Variants in FIG4 observed in about 807,000 individuals in gnomAD.
FIG4 encodes the protein FIG4 phosphoinositide 5-phosphatase.
FIG4 carries 112 observed loss-of-function variants against 118.6 expected under a neutral mutation model. That is an observed-to-expected ratio of 0.94 (90% confidence interval 0.81 to 1.11). FIG4 has a LOEUF of 1.11. FIG4 is among the 50% of genes least tolerant of loss of function. FIG4 has a pLI of 0.00. For synonymous variants in FIG4, 369 were observed against 381.2 expected, an observed-to-expected ratio of 0.97 and a Z score of 0.37; for missense variants, 969 against 1,111.7, an observed-to-expected ratio of 0.87 and a Z score of 1.83.
intron 16 of FIG4, among the ~76,000 whole-genome samples, chr6:109,783,751 T>C (rs1777874856): frequency 6.6e-6 from 1 of 152,242 alleles, no homozygotes; most frequent in Admixed American, 6.5e-5. Flanking sequence ...GAGTTTGTCA[T>C]AGAGGCAGAA....
intron 22 of FIG4, among the ~76,000 whole-genome samples, chr6:109,817,840 C>G (rs1345139290): frequency 1.3e-5 from 2 of 152,210 alleles, no homozygotes; most frequent in African/African-American, 4.8e-5. Context: ...ATTTCTTTAC[C>G]TGTTAGCTTG....
chr6:109,732,848 A>G (rs985365446), intron 5 of FIG4, among the ~76,000 whole-genome samples, 161 bp downstream of exon 5: 1 of 152,126 alleles, frequency 6.6e-6, no homozygotes, highest in Non-Finnish European at 1.5e-5. Context: ...CCTTTTAAAA[A>G]TCTTATATTT....
chr6:109,785,904 G>A, intron 17 of FIG4: 1 of 316,910 alleles, frequency 3.2e-6, no homozygotes, highest in Non-Finnish European at 6.3e-6. Flanking sequence ...AAAGGAAAGG[G>A]TTTTAACTAA....
rs766129182 is a variant in FIG4, at chr6:109,727,242, G to A, written c.423G>A (p.Arg141=). The change falls in exon 4 of 23, where the codon CGG becomes CGA. Residue 141 remains arginine (R), a synonymous_variant. Coordinates refer to ENST00000230124, the MANE Select transcript of FIG4 (RefSeq NM_014845.6). ...NMIYIPNDSV[R]VTHPDEARYL... ...TCTATATACCCAATGATTCTGTACGGGTTACTCATCCTGATGAAGCTAGGT... is the reference window on the plus strand; with the variant it reads ...TCTATATACCCAATGATTCTGTACGAGTTACTCATCCTGATGAAGCTAGGT... The A allele has an allele frequency of 1.9e-6, 3 of 1,613,048 alleles. No homozygotes were observed. The highest frequency in any genetic ancestry group is 2.5e-6 in the Non-Finnish European group (3 of 1,179,322).
chr6:109,799,779 C>G (rs560020284), intron 22 of FIG4, among the ~76,000 whole-genome samples: 2 of 152,326 alleles, frequency 1.3e-5, no homozygotes, highest in East Asian at 3.9e-4. Flanking sequence ...CAGCTGGACA[C>G]TTTCAACCAC....
At chr6:109,796,891 C>T (rs1408091713) in intron 22 of FIG4, 40 bp downstream of exon 22, 1 of 1,130,116 alleles carries the variant, frequency 8.8e-7, no homozygotes, top group Non-Finnish European at 1.4e-6. Context: ...TCTTTGTATT[C>T]ATGCCACTCA....
chr6:109,751,554 T>C (rs1776696691), intron 10 of FIG4, among the ~76,000 whole-genome samples: 2 of 152,208 alleles, frequency 1.3e-5, no homozygotes, highest in Admixed American at 6.5e-5. Context: ...TGGGCTTTTT[T>C]TGGTTTGTAG....
intron 15 of FIG4, 101 bp from the exon 16 acceptor site, chr6:109,776,821 A>C: frequency 1.1e-6 from 1 of 932,326 alleles, no homozygotes; most frequent in Non-Finnish European, 1.7e-6. Flanking sequence ...TATTTGAACT[A>C]TAAATACTAC....
chr6:109,795,329 A>G (rs994806070), intron 21 of FIG4, among the ~76,000 whole-genome samples: 15 of 151,800 alleles, frequency 9.9e-5, no homozygotes, highest in African/African-American at 3.6e-4. Flanking sequence ...ACAAATAATC[A>G]GTACTATGTG....
At chr6:109,758,126 C>T (rs1180558121) in intron 10 of FIG4, among the ~76,000 whole-genome samples, 1 of 152,092 alleles carries the variant, frequency 6.6e-6, no homozygotes, top group East Asian at 1.9e-4. Flanking sequence ...TCATATGGAA[C>T]CAAAAAAGAG....
At chr6:109,807,912 T>C (rs1350250999) in intron 22 of FIG4, among the ~76,000 whole-genome samples, 8 of 152,124 alleles carry the variant, frequency 5.3e-5, no homozygotes, top group Admixed American at 5.2e-4. Context: ...AGATTGTAGA[T>C]GTGTGATGTT....
intron 1 of FIG4, among the ~76,000 whole-genome samples, chr6:109,695,983 A>G (rs1307411457): frequency 6.6e-6 from 1 of 152,194 alleles, no homozygotes; most frequent in Admixed American, 6.5e-5. Flanking sequence ...TAATCAGGGA[A>G]CAAACAAGTG....
At chr6:109,707,420 T>C (rs989788786) in intron 1 of FIG4, among the ~76,000 whole-genome samples, 2 of 147,396 alleles carry the variant, frequency 1.4e-5, no homozygotes, top group South Asian at 2.1e-4. Flanking sequence ...TATATACCTA[T>C]ACATATATAC....
rs149844696 is a variant in FIG4, at chr6:109,776,039, G to A, written c.1751-883G>A. ...GGAAAGAGGTTATTATTTATATTGT[G>A]GATGTCTGCCACAAACTTCAATATA... On this transcript the variant is annotated intron_variant, in intron 15 of 22. Coordinates refer to ENST00000230124, the MANE Select transcript of FIG4 (RefSeq NM_014845.6). 6.0e-3 allele frequency among the ~76,000 whole-genome samples: 917 copies of A among 152,192 alleles called. 4 individuals carry two copies. Among genetic ancestry groups the A allele is most frequent in the Non-Finnish European group, 0.01 (702 of 68,002 alleles).
intron 22 of FIG4, among the ~76,000 whole-genome samples, chr6:109,820,696 G>GGCA (rs1009939022): frequency 3.9e-5 from 6 of 152,062 alleles, no homozygotes; most frequent in South Asian, 2.1e-4. Context: ...TCTGGAAGAA[G>GGCA]GCAGCAGCAG....
At chr6:109,791,762 T>G (rs1444402655) in intron 20 of FIG4, among the ~76,000 whole-genome samples, 191 bp downstream of exon 20, 1 of 152,214 alleles carries the variant, frequency 6.6e-6, no homozygotes, top group Non-Finnish European at 1.5e-5. Context: ...AAATTGGTGT[T>G]TTTGCTCGCA....
chr6:109,812,574 A>C (rs1778750305), intron 22 of FIG4, among the ~76,000 whole-genome samples: 1 of 152,224 alleles, frequency 6.6e-6, no homozygotes, highest in African/African-American at 2.4e-5. Context: ...AAAGTGTTTC[A>C]AGAAGGAAAA....
chr6:109,816,052 C>T (rs1416194310), intron 22 of FIG4, among the ~76,000 whole-genome samples: 1 of 152,102 alleles, frequency 6.6e-6, no homozygotes, highest in Non-Finnish European at 1.5e-5. Context: ...GGCCCCATTG[C>T]TAGAGATTCT....
At chr6:109,725,251 C>T (rs959074972) in intron 3 of FIG4, among the ~76,000 whole-genome samples, 1 of 152,082 alleles carries the variant, frequency 6.6e-6, no homozygotes, top group East Asian at 1.9e-4. Context: ...CTCTTCCTCT[C>T]CTTGCCCCCA....
Sources: gnomAD v4.1 joint callset for allele counts (sites outside exome capture counted in the v4.1 genomes callset) on GRCh38, gnomAD v4.1.1 for gene constraint, MANE v1.5 for transcripts, NCBI Gene and HGNC (gene_info 2026-07-23, HGNC 2026-07-21) for gene names.